Variants in ROBO2 observed in about 807,000 individuals in gnomAD.
ROBO2 encodes roundabout guidance receptor 2.
A neutral mutation model predicts 160.8 loss-of-function variants in ROBO2; 53 were observed. The ratio of observed to expected loss-of-function variants is 0.33; its 90% CI spans 0.26 to 0.41. The LOEUF is 0.41. Among genes scored for constraint, ROBO2 ranks in the 10% least tolerant of loss-of-function variants. The pLI is 1.00. For missense variants in ROBO2, 1,577 were observed against 1,722.4 expected (o/e 0.92, Z 1.49); for synonymous variants, 664 against 611.7 (o/e 1.09, Z -1.26).
chr3:77,125,535 G>C (rs1246360765), intron 2 of ROBO2, among the ~76,000 whole-genome samples: 1 of 151,974 alleles, frequency 6.6e-6, no homozygotes, highest in African/African-American at 2.4e-5. Flanking sequence ...TCTTCTTAAC[G>C]ACGAAAAGAT....
At chr3:75,978,979 A>C (rs1041564080) in intron 2 of ROBO2, among the ~76,000 whole-genome samples, 5 of 151,394 alleles carry the variant, frequency 3.3e-5, no homozygotes, top group African/African-American at 9.7e-5. Context: ...AAAGAATGAG[A>C]AATTAGAACG....
chr3:77,417,801 T>C (rs1419108355), intron 2 of ROBO2, among the ~76,000 whole-genome samples: 2 of 152,168 alleles, frequency 1.3e-5, no homozygotes, highest in African/African-American at 4.8e-5. Flanking sequence ...ATTATCATCT[T>C]TATTGTGAGA....
chr3:76,621,979 CTTCT>C (rs1221745656), intron 2 of ROBO2, among the ~76,000 whole-genome samples: 1 of 151,942 alleles, frequency 6.6e-6, no homozygotes, highest in African/African-American at 2.4e-5. Flanking sequence ...TCTCCCATTC[CTTCT>C]TTATTATACC....
intron 4 of ROBO2, among the ~76,000 whole-genome samples, chr3:77,489,900 A>G (rs780267359): frequency 6.6e-6 from 1 of 152,110 alleles, no homozygotes; most frequent in Non-Finnish European, 1.5e-5. Flanking sequence ...TGCTGCAATT[A>G]TCCTATGGAC....
chr3:75,957,745 G>T (rs570284349), intron 2 of ROBO2, among the ~76,000 whole-genome samples: 4 of 150,836 alleles, frequency 2.7e-5, no homozygotes, highest in Non-Finnish European at 5.9e-5. Context: ...TGGGATAAAT[G>T]GTTGTCTTTT....
At chr3:76,215,490 G>A (rs1354937771) in intron 2 of ROBO2, among the ~76,000 whole-genome samples, 1 of 152,172 alleles carries the variant, frequency 6.6e-6, no homozygotes, top group Non-Finnish European at 1.5e-5. Context: ...TAAAAATCAG[G>A]GCACGGGATC....
chr3:77,471,343 G>T (rs773914367), intron 2 of ROBO2, among the ~76,000 whole-genome samples: 1 of 152,214 alleles, frequency 6.6e-6, no homozygotes, highest in African/African-American at 2.4e-5. Context: ...AAAGATATAA[G>T]CTCTAAAATC....
intron 2 of ROBO2, among the ~76,000 whole-genome samples, chr3:76,041,670 G>T (rs1269436014): frequency 2.0e-5 from 3 of 151,694 alleles, no homozygotes; most frequent in Non-Finnish European, 2.9e-5. Context: ...ACACTTACAG[G>T]TATTAATATC....
chr3:77,191,518 A>G (rs2081850386), intron 2 of ROBO2, among the ~76,000 whole-genome samples: 1 of 152,170 alleles, frequency 6.6e-6, no homozygotes, highest in Non-Finnish European at 1.5e-5. Context: ...TGCTTTTGGC[A>G]TTTACCATTT....
chr3:77,602,163 C>T (rs756218044), intron 19 of ROBO2, 47 bp from the exon 21 acceptor site: 1 of 1,602,862 alleles, frequency 6.2e-7, no homozygotes, highest in Admixed American at 1.7e-5. Context: ...TAGTTTTGGG[C>T]TTCCGGTGCC....
chr3:76,574,337 T>C (rs895724412), intron 2 of ROBO2, among the ~76,000 whole-genome samples: 2 of 152,204 alleles, frequency 1.3e-5, no homozygotes, highest in African/African-American at 4.8e-5. Flanking sequence ...TTATTACTTA[T>C]AGTTAAAATA....
chr3:77,011,087 T>TTCTTTC (rs368908273), intron 2 of ROBO2, among the ~76,000 whole-genome samples: 3 of 71,370 alleles, frequency 4.2e-5, no homozygotes, highest in Non-Finnish European at 6.4e-5. Flanking sequence ...CTTTCTTTCT[T>TTCTTTC]TTTCTTTCTA....
At chr3:76,071,438 A>G (rs969323728) in intron 2 of ROBO2, among the ~76,000 whole-genome samples, 1 of 152,196 alleles carries the variant, frequency 6.6e-6, no homozygotes, top group African/African-American at 2.4e-5. Flanking sequence ...TCCTATATTA[A>G]GTATAAAATG....
At chr3:76,610,734 C>T (rs113446325) in intron 2 of ROBO2, among the ~76,000 whole-genome samples, 1,638 of 149,096 alleles carry the variant, frequency 0.011, 35 homozygotes, top group African/African-American at 0.038. Flanking sequence ...TGTGGTCCAG[C>T]GAGCAGGAGC....
rs151145746 is a variant in ROBO2 at position 76,879,792 on chromosome 3, A to T, written c.110-218222A>T. On this transcript the variant is annotated intron_variant, in intron 2 of 26. Coordinates refer to the ROBO2 transcript ENST00000487694. ...TTTGATTATAGTTATCTGAAATGAA[A>T]ACCATTGTGTTCTAAACTGTTCGTT... Among the ~76,000 whole-genome samples, 199 of 152,256 alleles carry T rather than the reference A, an allele frequency of 1.3e-3. 1 individual carries two copies. The highest frequency in any genetic ancestry group is 4.4e-3 in the African/African-American group (183 of 41,566).
At chr3:77,577,996 A>G in intron 15 of ROBO2, among the ~76,000 whole-genome samples, 1 of 152,084 alleles carries the variant, frequency 6.6e-6, no homozygotes, top group Non-Finnish European at 1.5e-5. Context: ...ACGTTCTCAG[A>G]AAAAAAGATG....
At chr3:76,705,878 A>G (rs1055388218) in intron 2 of ROBO2, among the ~76,000 whole-genome samples, 1 of 152,132 alleles carries the variant, frequency 6.6e-6, no homozygotes, top group African/African-American at 2.4e-5. Flanking sequence ...TCCTGACAAT[A>G]ATGATTAGAA....
chr3:76,941,373 A>T (rs144479803), intron 2 of ROBO2, among the ~76,000 whole-genome samples: 113 of 152,216 alleles, frequency 7.4e-4, no homozygotes, highest in African/African-American at 2.6e-3. Context: ...TATTATTATT[A>T]TATATTAAAT....
chr3:75,916,342 C>T (rs1946806056), intron 1 of ROBO2, among the ~76,000 whole-genome samples: 2 of 152,084 alleles, frequency 1.3e-5, no homozygotes, highest in Admixed American at 6.6e-5. Context: ...TTGAAACTCA[C>T]TGATTTATTT....
Sources: allele counts gnomAD v4.1 joint callset (sites outside exome capture counted in the v4.1 genomes callset), GRCh38; gene constraint gnomAD v4.1.1; transcripts MANE v1.5; gene names NCBI Gene and HGNC (gene_info 2026-07-23, HGNC 2026-07-21).